CLTCL1: variants seen among roughly 807,000 people sequenced by gnomAD.
CLTCL1 encodes the protein clathrin heavy chain 2.
A neutral mutation model predicts 190.0 loss-of-function variants in CLTCL1; 159 were observed. The observed-to-expected ratio is 0.84, with a 90% CI of 0.74 to 0.95. The LOEUF (loss-of-function observed/expected upper bound fraction) is 0.95, where lower values mean the gene tolerates loss of function less well. Ranked by LOEUF, CLTCL1 falls within the 40% of genes least tolerant of loss-of-function variation. The pLI, the probability that CLTCL1 is intolerant of heterozygous loss-of-function variation, is 0.00. For synonymous variants in CLTCL1, 752 were observed against 769.6 expected (o/e 0.98, Z 0.38); for missense variants, 1,878 against 2,033.4 (o/e 0.92, Z 1.47).
Position 19,187,572 on chromosome 22 carries a change from CCTT to C in CLTCL1, c.4588_4590del (p.Lys1530del). The C allele has an allele frequency of 6.2e-7, 1 of 1,611,700 alleles. No individual in the cohort carries two copies. Among genetic ancestry groups the C allele is most frequent in the Non-Finnish European group, 8.5e-7 (1 of 1,179,188 alleles). ...AGGCCACCAACCTTGTAGAGATGAT[CCTT>C]CTTGCAGAGCTCCACGCTCTGGGCC... On this transcript the variant is annotated inframe_deletion, in exon 29 of 33. Transcript: ENST00000427926.
chr22:19,199,926 T>A, intron 23 of CLTCL1, 85 bp from the exon 24 acceptor site: 3 of 803,824 alleles, frequency 3.7e-6, no homozygotes, highest in Non-Finnish European at 4.0e-6. Flanking sequence ...CAGTTGCAAA[T>A]GCAGAAATAC....
chr22:19,190,596 C>CAAAAAAAAAAA lies in CLTCL1; in HGVS notation c.4323+697_4323+707dup, dbSNP rs55780206. Among the ~76,000 whole-genome samples the CAAAAAAAAAAA allele has an allele frequency of 4.3e-4, 31 of 72,812 alleles. 1 individual carries two copies. The highest frequency in any genetic ancestry group is 2.3e-3 in the South Asian group (4 of 1,738). The allele number at this position is 72,812 out of a possible 152,430, so 47.8% of individuals were successfully genotyped here. On this transcript the variant is annotated intron_variant, in intron 27 of 32. Transcript: ENST00000427926. The stretch of plus-strand genomic sequence containing the variant: ...CCTGGGCAACAGAGCAAGACTGTCT[C>CAAAAAAAAAAA]AAAAAAAAAAAAAAAAAAAAAAAGA...
Position 19,235,707 on chromosome 22 carries a change from T to C in CLTCL1, c.958A>G (p.Lys320Glu). The change falls in exon 6 of 33, where the codon AAA becomes GAA. Residue 320 changes from lysine (K) to glutamate (E), a missense_variant. By Grantham distance (56) the Lys-to-Glu change is moderately conservative. Coordinates refer to ENST00000427926, the MANE Select transcript of CLTCL1 (RefSeq NM_007098.4). ...KPTSGIIGVN[K>E]KGQVLSVCVE... is the part of the protein sequence containing the mutation. ...TCAGAGTTACACACCTGTCCCTTTT[T>C]GTTGACACCAATAATTCCAGAGGTT... The C allele has an allele frequency of 6.2e-7, 1 of 1,613,188 alleles. No homozygotes were observed.
chr22:19,280,840 GAC>G (rs1298285789), intron 1 of CLTCL1, among the ~76,000 whole-genome samples: 2 of 128,222 alleles, frequency 1.6e-5, no homozygotes, highest in Non-Finnish European at 3.4e-5. Context: ...AAAAAAAAAA[GAC>G]AGTCACACAA....
chr22:19,203,690 T>C (rs1752567931), intron 22 of CLTCL1, among the ~76,000 whole-genome samples: 1 of 152,060 alleles, frequency 6.6e-6, no homozygotes, highest in South Asian at 2.1e-4. Flanking sequence ...CCCACACAGG[T>C]GGCGGCTGTG....
intron 6 of CLTCL1, 59 bp from the exon 7 acceptor site, chr22:19,234,765 TGCCATGTTCCCTTCCGATGCTGGA>T (rs1433151285): frequency 1.4e-4 from 198 of 1,424,310 alleles, no homozygotes; most frequent in Non-Finnish European, 1.9e-4. Flanking sequence ...ACCATCCCTC[TGCCATGTTCCCTTCCGATGCTGGA>T]GTGGTAGCCA....
intron 27 of CLTCL1, among the ~76,000 whole-genome samples, chr22:19,188,965 G>A (rs1417379093): frequency 2.6e-5 from 4 of 151,298 alleles, no homozygotes; most frequent in African/African-American, 7.3e-5. Flanking sequence ...GTGCAGTGGC[G>A]CGATCTTGGC....
At chr22:19,241,155 A>G (rs2086241491) in intron 4 of CLTCL1, among the ~76,000 whole-genome samples, 1 of 152,202 alleles carries the variant, frequency 6.6e-6, no homozygotes, top group Non-Finnish European at 1.5e-5. Context: ...GTCCATCTCC[A>G]GCTCGGCTGG....
chr22:19,262,149 C>T (rs1046633392), intron 2 of CLTCL1, among the ~76,000 whole-genome samples: 1 of 151,890 alleles, frequency 6.6e-6, no homozygotes, highest in African/African-American at 2.4e-5. Flanking sequence ...CCTCAGCCTC[C>T]CAAGTAGCTG....
At chr22:19,182,285 C>T (rs4819788) in intron 30 of CLTCL1, 8,636 of 152,384 alleles carry the variant, frequency 0.057, 345 homozygotes, top group East Asian at 0.18. Flanking sequence ...CCACACGTGC[C>T]GCCTGTAGGG....
intron 2 of CLTCL1, among the ~76,000 whole-genome samples, chr22:19,256,139 A>C (rs1428502885): frequency 1.3e-5 from 2 of 151,770 alleles, no homozygotes; most frequent in Non-Finnish European, 2.9e-5. Flanking sequence ...TCAAAATCCC[A>C]GAATCCTTTT....
chr22:19,259,985 A>G (rs2086889468), intron 2 of CLTCL1, among the ~76,000 whole-genome samples: 1 of 152,222 alleles, frequency 6.6e-6, no homozygotes, highest in East Asian at 1.9e-4. Context: ...TAATGATAAG[A>G]AAACAAACAG....
chr22:19,188,192 T>G, intron 27 of CLTCL1, 101 bp from the exon 28 acceptor site: 1 of 1,040,182 alleles, frequency 9.6e-7, no homozygotes, highest in Non-Finnish European at 1.5e-6. Context: ...ACTTGAATGG[T>G]CCAGCTCTGG....
chr22:19,195,740 C>T (rs1555935022), intron 26 of CLTCL1, among the ~76,000 whole-genome samples: 1 of 152,156 alleles, frequency 6.6e-6, no homozygotes, highest in East Asian at 1.9e-4. Context: ...CCCGACACCA[C>T]CCAACAGTGT....
chr22:19,196,764 C>T (rs1191246990), intron 24 of CLTCL1, 108 bp from the exon 25 acceptor site: 1 of 1,267,054 alleles, frequency 7.9e-7, no homozygotes, highest in Non-Finnish European at 1.1e-6. Context: ...TGGGAATGAT[C>T]CCGAGGAGGC....
At chr22:19,193,398 G>A (rs925263791) in intron 26 of CLTCL1, among the ~76,000 whole-genome samples, 6 of 152,206 alleles carry the variant, frequency 3.9e-5, no homozygotes, top group African/African-American at 1.4e-4. Context: ...CACTACAGGA[G>A]GAATGGAGCG....
At chr22:19,191,483 A>G in intron 26 of CLTCL1, 48 bp from the exon 27 acceptor site, 15 of 1,599,586 alleles carry the variant, frequency 9.4e-6, no homozygotes, top group South Asian at 2.2e-5. Flanking sequence ...GTCTCCAGAT[A>G]CCCCAGGGCT....
chr22:19,217,532 C>T (rs1480689136), intron 18 of CLTCL1, among the ~76,000 whole-genome samples: 1 of 138,134 alleles, frequency 7.2e-6, no homozygotes, highest in South Asian at 2.4e-4. Flanking sequence ...AGAAGAATGG[C>T]GGGAACCCGG....
chr22:19,187,553 CCA>C lies in CLTCL1; in HGVS notation c.4605+3_4605+4del. 1 of 1,602,392 alleles carries C rather than the reference CCA, an allele frequency of 6.2e-7. No homozygotes were observed. Among genetic ancestry groups the C allele is most frequent in the South Asian group, 1.1e-5 (1 of 90,884 alleles). ...GGTGGGAGGAAACGGGCCCAGGCCA[CCA>C]ACCTTGTAGAGATGATCCTTCTTGC... On this transcript the variant is annotated splice_donor_region_variant and intron_variant, in intron 29 of 32. Coordinates refer to ENST00000427926, the MANE Select transcript of CLTCL1 (RefSeq NM_007098.4).
Sources: allele counts gnomAD v4.1 joint callset (sites outside exome capture counted in the v4.1 genomes callset), GRCh38; gene constraint gnomAD v4.1.1; transcripts MANE v1.5; gene names NCBI Gene and HGNC (gene_info 2026-07-23, HGNC 2026-07-21).